Variants in TMEM117 observed in about 807,000 individuals in gnomAD.
TMEM117 encodes transmembrane protein 117.
A neutral mutation model predicts 52.4 loss-of-function variants in TMEM117; 27 were observed. The ratio of observed to expected loss-of-function variants is 0.51; its 90% CI spans 0.38 to 0.71. The LOEUF is 0.71. TMEM117 is among the 30% of genes least tolerant of loss of function. TMEM117 has a pLI of 0.00. For synonymous variants in TMEM117, 215 were observed against 206.3 expected (o/e 1.04, Z -0.36); for missense variants, 556 against 630.5 (o/e 0.88, Z 1.26).
intron 7 of TMEM117, among the ~76,000 whole-genome samples, chr12:44,381,203 A>G (rs1026231194): frequency 2.0e-5 from 3 of 152,132 alleles, no homozygotes; most frequent in Non-Finnish European, 2.9e-5. Context: ...TTTTTCTTAG[A>G]ATATGGGCTT....
chr12:44,313,384 A>G (rs538160372), intron 6 of TMEM117, among the ~76,000 whole-genome samples: 1 of 151,994 alleles, frequency 6.6e-6, no homozygotes. Flanking sequence ...CTTATTGCTT[A>G]TTTTTGTTGA....
chr12:44,006,070 C>T lies in TMEM117; in HGVS notation c.410+61728C>T, dbSNP rs145425023. Among the ~76,000 whole-genome samples, 607 of 152,246 alleles carry T rather than the reference C, an allele frequency of 4.0e-3. 3 individuals are homozygous for T. The highest frequency in any genetic ancestry group is 6.8e-3 in the Middle Eastern group (2 of 294). ...AACGGACTAATACATAGGGTTGTAG[C>T]GGATCAGCTATAAAGATGGGCCTCC... On this transcript the variant is annotated intron_variant, in intron 3 of 7. Transcript: ENST00000266534.
intron 3 of TMEM117, among the ~76,000 whole-genome samples, chr12:44,094,823 G>A (rs866525937): frequency 2.6e-5 from 4 of 151,910 alleles, no homozygotes; most frequent in Admixed American, 1.3e-4. Context: ...AACTAAAAAG[G>A]GGAGAGAGAA....
chr12:44,154,388 A>T (rs1291966500), intron 4 of TMEM117, among the ~76,000 whole-genome samples: 1 of 152,098 alleles, frequency 6.6e-6, no homozygotes, highest in Non-Finnish European at 1.5e-5. Context: ...CAGAGGTTAT[A>T]TGAGAAGTAA....
At chr12:44,024,039 G>A (rs17094007) in intron 3 of TMEM117, among the ~76,000 whole-genome samples, 14,537 of 152,070 alleles carry the variant, frequency 0.096, 1,106 homozygotes, top group African/African-American at 0.2. Flanking sequence ...ACATCTGCTC[G>A]TTCCACATGA....
intron 3 of TMEM117, among the ~76,000 whole-genome samples, chr12:43,966,418 A>G (rs1193443224): frequency 1.3e-5 from 2 of 152,238 alleles, no homozygotes; most frequent in African/African-American, 4.8e-5. Context: ...TGAAAGTGAA[A>G]GAAAGTACTG....
At chr12:43,840,441 G>A (rs897581362) in intron 1 of TMEM117, among the ~76,000 whole-genome samples, 1 of 152,138 alleles carries the variant, frequency 6.6e-6, no homozygotes, top group African/African-American at 2.4e-5. Context: ...AGGGAGTTGA[G>A]GGGGGGTGCA....
chr12:44,078,991 T>C (rs1415176120), intron 3 of TMEM117, among the ~76,000 whole-genome samples: 2 of 151,856 alleles, frequency 1.3e-5, no homozygotes, highest in African/African-American at 2.4e-5. Flanking sequence ...TGTTAGTTTG[T>C]TGAGAATGAT....
At chr12:44,187,751 T>C (rs916690486) in intron 4 of TMEM117, among the ~76,000 whole-genome samples, 19 of 152,108 alleles carry the variant, frequency 1.2e-4, no homozygotes, top group Admixed American at 2.0e-4. Context: ...TTTGTTTTTT[T>C]AGATGGCTGC....
chr12:43,995,374 G>T (rs1304652304), intron 3 of TMEM117, among the ~76,000 whole-genome samples: 1 of 151,666 alleles, frequency 6.6e-6, no homozygotes, highest in Non-Finnish European at 1.5e-5. Flanking sequence ...GATACCTTTT[G>T]TAAAACCTGG....
intron 3 of TMEM117, among the ~76,000 whole-genome samples, chr12:44,121,418 C>G (rs1948232192): frequency 6.6e-6 from 1 of 152,168 alleles, no homozygotes; most frequent in African/African-American, 2.4e-5. Context: ...CCAACCCCTC[C>G]TCTTATTCCT....
chr12:44,001,339 AG>A (rs1946113827), intron 3 of TMEM117, among the ~76,000 whole-genome samples: 3 of 152,184 alleles, frequency 2.0e-5, no homozygotes, highest in Non-Finnish European at 4.4e-5. Flanking sequence ...CTCTGGAGAA[AG>A]TACAGGAGAG....
chr12:43,955,909 A>G (rs1945298262), intron 3 of TMEM117, among the ~76,000 whole-genome samples: 1 of 152,214 alleles, frequency 6.6e-6, no homozygotes, highest in South Asian at 2.1e-4. Context: ...ACACCACAGT[A>G]ATCAAAACAG....
At chr12:44,211,460 C>T (rs1949644383) in intron 5 of TMEM117, 73 bp downstream of exon 5, 2 of 1,063,264 alleles carry the variant, frequency 1.9e-6, no homozygotes, top group Non-Finnish European at 2.8e-6. Context: ...ATGTAATTTT[C>T]CTTACAATTA....
chr12:44,155,080 T>C (rs1217203104), intron 4 of TMEM117, among the ~76,000 whole-genome samples: 1 of 152,092 alleles, frequency 6.6e-6, no homozygotes, highest in Non-Finnish European at 1.5e-5. Flanking sequence ...CTTTCCTCCA[T>C]TCAGCCACCT....
chr12:44,240,326 T>C (rs1477197683), intron 5 of TMEM117, among the ~76,000 whole-genome samples: 3 of 152,084 alleles, frequency 2.0e-5, no homozygotes, highest in Non-Finnish European at 4.4e-5. Context: ...CATGTCTCTT[T>C]CTCCTTTTAA....
chr12:44,392,263 G>A (rs1227675228), downstream of TMEM117, among the ~76,000 whole-genome samples: 2 of 152,246 alleles, frequency 1.3e-5, no homozygotes, highest in South Asian at 2.1e-4. Flanking sequence ...GAAAAGAGAA[G>A]GTTAGGCAGA....
At chr12:44,148,604 T>C (rs1313348029) in intron 4 of TMEM117, among the ~76,000 whole-genome samples, 1 of 152,132 alleles carries the variant, frequency 6.6e-6, no homozygotes, top group African/African-American at 2.4e-5. Context: ...TTCAGAGAGA[T>C]TTTATCATTA....
At chr12:44,048,797 A>G (rs1946920305) in intron 3 of TMEM117, among the ~76,000 whole-genome samples, 1 of 152,232 alleles carries the variant, frequency 6.6e-6, no homozygotes, top group Admixed American at 6.5e-5. Flanking sequence ...GAGTATTCAG[A>G]ACAAGAGAAA....
Sources: allele counts gnomAD v4.1 joint callset (sites outside exome capture counted in the v4.1 genomes callset), GRCh38; gene constraint gnomAD v4.1.1; transcripts MANE v1.5; gene names NCBI Gene and HGNC (gene_info 2026-07-23, HGNC 2026-07-21).